NPEPPS: variants seen among roughly 807,000 people sequenced by gnomAD.
NPEPPS encodes aminopeptidase puromycin sensitive.
In NPEPPS, 14 loss-of-function variants were observed where a neutral mutation model predicts 115.5. The ratio of observed to expected loss-of-function variants is 0.12; its 90% CI spans 0.08 to 0.19. The LOEUF is 0.19. Among genes scored for constraint, NPEPPS ranks in the 10% least tolerant of loss-of-function variants. NPEPPS has a pLI of 1.00. For missense variants in NPEPPS, 523 were observed against 1,110.8 expected (o/e 0.47, Z 7.52); for synonymous variants, 285 against 390.6 (o/e 0.73, Z 3.19).
intron 1 of NPEPPS, among the ~76,000 whole-genome samples, chr17:47,540,526 C>T (rs1908673848): frequency 6.6e-6 from 1 of 152,268 alleles, no homozygotes; most frequent in South Asian, 2.1e-4. Flanking sequence ...TGTTATACTG[C>T]GTTGTAGTCA....
At position 47,601,766 on chromosome 17, in the gene NPEPPS, C is replaced by CT. The variant is rs754423897; in HGVS notation, c.1740+20dup. ...GGTGAAGGTGAGTTCAGAATCTTAC[C>CT]TAAACAGATTTCTCTCACTTATACA... On this transcript the variant is annotated intron_variant, in intron 15 of 22. Transcript: ENST00000322157. 5 of 1,609,856 alleles carry CT rather than the reference C, an allele frequency of 3.1e-6. No homozygotes were observed. The highest frequency in any genetic ancestry group is 4.2e-6 in the Non-Finnish European group (5 of 1,178,146).
intron 2 of NPEPPS, among the ~76,000 whole-genome samples, chr17:47,563,997 A>T (rs935919009): frequency 3.3e-5 from 5 of 151,598 alleles, no homozygotes; most frequent in Non-Finnish European, 7.4e-5. Flanking sequence ...CAGTGGTGTG[A>T]TCTCAGCTCA....
intron 1 of NPEPPS, among the ~76,000 whole-genome samples, chr17:47,533,415 T>G (rs1444127149): frequency 1.3e-5 from 2 of 151,872 alleles, no homozygotes; most frequent in Non-Finnish European, 2.9e-5. Flanking sequence ...ATGGGAGGGA[T>G]TGTAAACAGT....
chr17:47,603,303 T>C (rs1913332776), intron 15 of NPEPPS, among the ~76,000 whole-genome samples: 1 of 152,118 alleles, frequency 6.6e-6, no homozygotes, highest in Non-Finnish European at 1.5e-5. Flanking sequence ...TCCCAGCTGC[T>C]TGGGAGGGTG....
chr17:47,575,273 A>C (rs550139934), intron 3 of NPEPPS, among the ~76,000 whole-genome samples: 86 of 152,222 alleles, frequency 5.6e-4, no homozygotes, highest in African/African-American at 1.9e-3. Context: ...AGAACACAGA[A>C]ATCACCATGC....
chr17:47,542,850 C>T (rs1381509213), intron 1 of NPEPPS, among the ~76,000 whole-genome samples: 1 of 151,902 alleles, frequency 6.6e-6, no homozygotes, highest in African/African-American at 2.4e-5. Flanking sequence ...TTGAAAAATG[C>T]ACAAGAGGCC....
intron 12 of NPEPPS, among the ~76,000 whole-genome samples, chr17:47,592,921 C>T (rs1356945167): frequency 6.6e-6 from 1 of 152,060 alleles, no homozygotes; most frequent in Non-Finnish European, 1.5e-5. Flanking sequence ...TACCCCATGA[C>T]AGGCCCTGGT....
chr17:47,549,348 T>A (rs868634122), intron 2 of NPEPPS, among the ~76,000 whole-genome samples: 112 of 149,640 alleles, frequency 7.5e-4, no homozygotes, highest in Middle Eastern at 7.2e-3. Context: ...AAAAAAAAAA[T>A]ATTTTCCTTC....
In NPEPPS at chr17:47,563,141, C is replaced by T. The variant is rs1910554597; in HGVS notation, c.341-6276C>T. Among the ~76,000 whole-genome samples, 4 of 151,852 alleles carry T rather than the reference C, an allele frequency of 2.6e-5. No homozygotes were observed. The South Asian group carries it at 8.3e-4, about 31-fold the overall frequency. ...CCACCTCCCCGTTTCAAGCGATTCTCCTGCCTCAGCCTCCTGAGTAGCTGG... is the reference window on the plus strand; with the variant it reads ...CCACCTCCCCGTTTCAAGCGATTCTTCTGCCTCAGCCTCCTGAGTAGCTGG... On this transcript the variant is annotated intron_variant, in intron 2 of 22. Transcript: ENST00000322157.
At chr17:47,575,738 G>A (rs1567854262) in intron 3 of NPEPPS, among the ~76,000 whole-genome samples, 1 of 151,768 alleles carries the variant, frequency 6.6e-6, no homozygotes, top group African/African-American at 2.4e-5. Flanking sequence ...CCGAGTAGCT[G>A]GGACTACAGG....
intron 1 of NPEPPS, among the ~76,000 whole-genome samples, chr17:47,537,392 A>G (rs572830514): frequency 5.9e-5 from 9 of 152,286 alleles, no homozygotes; most frequent in Admixed American, 1.3e-4. Context: ...GCCCTTAGAC[A>G]TTTTTAAAAA....
chr17:47,555,683 AGTT>A (rs1427786462), intron 2 of NPEPPS, among the ~76,000 whole-genome samples: 2 of 151,814 alleles, frequency 1.3e-5, no homozygotes, highest in Admixed American at 6.6e-5. Context: ...TGGAAGAGTT[AGTT>A]GTTCTCCAAA....
intron 17 of NPEPPS, among the ~76,000 whole-genome samples, chr17:47,609,527 A>C (rs1422669161): frequency 6.6e-6 from 1 of 152,232 alleles, no homozygotes; most frequent in Admixed American, 6.5e-5. Flanking sequence ...TGTAAGAATC[A>C]TCACAACAAT....
At chr17:47,609,588 AAATTATGATTTAAGTGTAGCAAAATG>A (rs1449981379) in intron 17 of NPEPPS, among the ~76,000 whole-genome samples, 1 of 152,214 alleles carries the variant, frequency 6.6e-6, no homozygotes, top group Non-Finnish European at 1.5e-5. Context: ...ATTTTTGGTT[AAATTATGATTTAAGTGTAGCAAAATG>A]AATAATCTAA....
intron 13 of NPEPPS, among the ~76,000 whole-genome samples, 181 bp from the exon 14 acceptor site, chr17:47,599,495 T>C (rs929747330): frequency 6.6e-6 from 1 of 152,230 alleles, no homozygotes; most frequent in Non-Finnish European, 1.5e-5. Flanking sequence ...TTTTAGTTAT[T>C]TGGACTTTTC....
At chr17:47,529,438 G>A (rs1389502350), upstream of NPEPPS, among the ~76,000 whole-genome samples, 4 of 141,212 alleles carry the variant, frequency 2.8e-5, no homozygotes, top group African/African-American at 8.0e-5. Context: ...ACAGAGTCTC[G>A]TTGTCGCCCA....
intron 2 of NPEPPS, among the ~76,000 whole-genome samples, chr17:47,561,115 A>G (rs1910395584): frequency 1.3e-5 from 2 of 152,288 alleles, no homozygotes; most frequent in Middle Eastern, 3.4e-3. Context: ...GATTTCGGCT[A>G]TTTTTAAAAA....
upstream of NPEPPS, chr17:47,531,044 C>G: frequency 3.3e-6 from 1 of 302,684 alleles, no homozygotes; most frequent in Non-Finnish European, 5.9e-6. Flanking sequence ...TCTGCCCAGG[C>G]GTGCGCGCGC....
chr17:47,592,598 C>G (rs111796729), intron 12 of NPEPPS, 53 bp downstream of exon 12: 42,156 of 1,452,802 alleles, frequency 0.029, 1,368 homozygotes, highest in African/African-American at 0.11. Context: ...GTCACTCTAT[C>G]CAGGCTGGGA....
Sources: allele counts gnomAD v4.1 joint callset (sites outside exome capture counted in the v4.1 genomes callset), GRCh38; gene constraint gnomAD v4.1.1; transcripts MANE v1.5; gene names NCBI Gene and HGNC (gene_info 2026-07-23, HGNC 2026-07-21).